RBMS3: variants seen among roughly 807,000 people sequenced by gnomAD.
RBMS3 encodes the protein RNA binding motif single stranded interacting protein 3, also known as RNA-binding motif, single-stranded-interacting protein 3.
A neutral mutation model predicts 66.8 loss-of-function variants in RBMS3; 27 were observed. The observed-to-expected ratio is 0.40, with a 90% CI of 0.30 to 0.56. The LOEUF (loss-of-function observed/expected upper bound fraction) is 0.56, where lower values mean the gene tolerates loss of function less well. Ranked by LOEUF, RBMS3 falls within the 20% of genes least tolerant of loss-of-function variation. The probability of loss-of-function intolerance (pLI) is 0.40; values close to 1 mark genes in which losing one functional copy is unlikely to be tolerated. For missense variants in RBMS3, 513 were observed against 549.5 expected (o/e 0.93, Z 0.66); for synonymous variants, 188 against 183.0 (o/e 1.03, Z -0.22).
intron 7 of RBMS3, among the ~76,000 whole-genome samples, chr3:29,875,230 T>G (rs1239897611): frequency 2.1e-5 from 3 of 145,722 alleles, no homozygotes; most frequent in Non-Finnish European, 4.7e-5. Flanking sequence ...CACTAATGTT[T>G]AAGCAACAGT....
chr3:29,799,732 T>G (rs905766568), intron 6 of RBMS3, among the ~76,000 whole-genome samples: 2 of 152,186 alleles, frequency 1.3e-5, no homozygotes, highest in Non-Finnish European at 2.9e-5. Flanking sequence ...ATATAAAATG[T>G]ACATTGATGA....
At chr3:29,952,888 A>C (rs889776806) in intron 12 of RBMS3, among the ~76,000 whole-genome samples, 2 of 151,898 alleles carry the variant, frequency 1.3e-5, no homozygotes, top group African/African-American at 4.8e-5. Context: ...AATTTTATTC[A>C]TAATTGAGCA....
At chr3:29,701,788 G>A (rs1000685588) in intron 4 of RBMS3, among the ~76,000 whole-genome samples, 17 of 152,132 alleles carry the variant, frequency 1.1e-4, no homozygotes, top group African/African-American at 2.7e-4. Context: ...AATTCTCACC[G>A]GGCCTCAGCT....
intron 6 of RBMS3, chr3:29,766,437 T>C (rs1364569486): frequency 6.6e-6 from 1 of 151,972 alleles, no homozygotes; most frequent in African/African-American, 2.4e-5. Flanking sequence ...CTGACCACAT[T>C]TATGTTGCTG....
chr3:29,408,271 CAAAAAAAAAAA>C (rs10708935), intron 1 of RBMS3, among the ~76,000 whole-genome samples: 1 of 74,872 alleles, frequency 1.3e-5, no homozygotes. Flanking sequence ...GACTCCATCT[CAAAAAAAAAAA>C]AAAAAAAAAA....
At chr3:29,487,988 A>G (rs2043385676) in intron 2 of RBMS3, among the ~76,000 whole-genome samples, 1 of 152,230 alleles carries the variant, frequency 6.6e-6, no homozygotes, top group Middle Eastern at 3.4e-3. Context: ...TTGAACTAGG[A>G]GATTTGACAT....
chr3:29,624,842 A>C (rs2049001534), intron 4 of RBMS3, among the ~76,000 whole-genome samples: 1 of 152,188 alleles, frequency 6.6e-6, no homozygotes, highest in Non-Finnish European at 1.5e-5. Context: ...AAGGAAAGGA[A>C]TGTATCTCTT....
At chr3:29,803,980 T>G (rs1336734197) in intron 6 of RBMS3, among the ~76,000 whole-genome samples, 1 of 152,054 alleles carries the variant, frequency 6.6e-6, no homozygotes, top group Non-Finnish European at 1.5e-5. Context: ...GCTTCTGATA[T>G]TTTATAAAAA....
intron 4 of RBMS3, among the ~76,000 whole-genome samples, chr3:29,720,104 C>CCACTAG (rs2053578800): frequency 6.6e-6 from 1 of 151,714 alleles, no homozygotes; most frequent in Non-Finnish European, 1.5e-5. Flanking sequence ...ATGCCATTAC[C>CCACTAG]CGCTAGCTCC....
chr3:29,888,236 C>T (rs2059918663), intron 8 of RBMS3, among the ~76,000 whole-genome samples: 1 of 151,672 alleles, frequency 6.6e-6, no homozygotes, highest in Admixed American at 6.6e-5. Flanking sequence ...GAATATTTTC[C>T]TCAAGAAACA....
intron 1 of RBMS3, among the ~76,000 whole-genome samples, chr3:29,289,531 A>C (rs982151219): frequency 6.6e-6 from 1 of 151,940 alleles, no homozygotes; most frequent in Non-Finnish European, 1.5e-5. Flanking sequence ...TCCTAATATT[A>C]TAAAAGCATA....
At chr3:29,895,644 C>T (rs1167794062) in intron 8 of RBMS3, among the ~76,000 whole-genome samples, 2 of 151,484 alleles carry the variant, frequency 1.3e-5, no homozygotes, top group Non-Finnish European at 3.0e-5. Flanking sequence ...AGAGGAAGGA[C>T]ATTTGGGTTG....
In RBMS3 at chr3:29,465,396, TTAAA is replaced by T. The variant is rs2042503640; in HGVS notation, c.249-23041_249-23038del. ...TTTAGAGGTGAGAACACTGTAGCAC[TTAAA>T]TAATTAATAATAAATAGTTAATATG... On this transcript the variant is annotated intron_variant, in intron 2 of 14. Coordinates refer to ENST00000383767, the MANE Select transcript of RBMS3 (RefSeq NM_001003793.3). 2.0e-5 allele frequency among the ~76,000 whole-genome samples: 3 copies of T among 148,484 alleles called. No individual in the cohort carries two copies. The South Asian group carries it at 6.5e-4, about 32-fold the overall frequency.
At chr3:29,318,793 C>A (rs1203000152) in intron 1 of RBMS3, among the ~76,000 whole-genome samples, 2 of 151,786 alleles carry the variant, frequency 1.3e-5, no homozygotes, top group Non-Finnish European at 2.9e-5. Flanking sequence ...CCTTGAGAGA[C>A]TTAAGTAAGA....
intron 1 of RBMS3, among the ~76,000 whole-genome samples, chr3:29,351,174 C>T (rs1240424852): frequency 6.6e-6 from 1 of 152,072 alleles, no homozygotes; most frequent in Non-Finnish European, 1.5e-5. Context: ...TTAGTCCACT[C>T]TTATGGAGGC....
At chr3:29,937,951 G>A (rs1234987357) in intron 11 of RBMS3, among the ~76,000 whole-genome samples, 3 of 151,820 alleles carry the variant, frequency 2.0e-5, no homozygotes, top group Admixed American at 1.3e-4. Context: ...GTGATGTAAT[G>A]TAATTTTACC....
At chr3:29,886,958 T>C (rs2149585288) in intron 8 of RBMS3, among the ~76,000 whole-genome samples, 1 of 151,874 alleles carries the variant, frequency 6.6e-6, no homozygotes, top group East Asian at 1.9e-4. Flanking sequence ...GGGTTCTCCA[T>C]CAAGGGCTGG....
At chr3:29,467,941 A>C (rs1224598938) in intron 2 of RBMS3, among the ~76,000 whole-genome samples, 1 of 152,164 alleles carries the variant, frequency 6.6e-6, no homozygotes, top group Non-Finnish European at 1.5e-5. Flanking sequence ...TATTCACTTG[A>C]ATAAGTGAGA....
chr3:29,568,262 G>A (rs1370830710), intron 3 of RBMS3, among the ~76,000 whole-genome samples: 2 of 152,176 alleles, frequency 1.3e-5, no homozygotes, highest in South Asian at 2.1e-4. Flanking sequence ...GACAGGGAAG[G>A]AGAGCAGATA....
Sources: allele counts gnomAD v4.1 joint callset (sites outside exome capture counted in the v4.1 genomes callset), GRCh38; gene constraint gnomAD v4.1.1; transcripts MANE v1.5; gene names NCBI Gene and HGNC (gene_info 2026-07-23, HGNC 2026-07-21).